Variants in DENND1B observed in about 807,000 individuals in gnomAD.
DENND1B encodes the protein DENN domain containing 1B.
In DENND1B, 59 loss-of-function variants were observed where a neutral mutation model predicts 90.1. The ratio of observed to expected loss-of-function variants is 0.65; its 90% CI spans 0.53 to 0.81. The LOEUF is 0.81. Ranked by LOEUF, DENND1B falls within the 40% of genes least tolerant of loss-of-function variation. The pLI, the probability that DENND1B is intolerant of heterozygous loss-of-function variation, is 0.00. For synonymous variants in DENND1B, 337 were observed against 324.6 expected (o/e 1.04, Z -0.41); for missense variants, 862 against 912.6 (o/e 0.94, Z 0.71).
chr1:197,643,488 G>C (rs1680460880), intron 9 of DENND1B, among the ~76,000 whole-genome samples: 2 of 152,024 alleles, frequency 1.3e-5, no homozygotes, highest in African/African-American at 4.8e-5. Flanking sequence ...TACTTCTGGT[G>C]ATTCTTATAT....
At chr1:197,776,432 C>T (rs750473385), upstream of DENND1B, among the ~76,000 whole-genome samples, 37 of 152,296 alleles carry the variant, frequency 2.4e-4, no homozygotes, top group Non-Finnish European at 3.5e-4. Flanking sequence ...TTATGATGGA[C>T]ATTCAAATGA....
chr1:197,589,413 C>T (rs1025406882), intron 14 of DENND1B, among the ~76,000 whole-genome samples: 1 of 152,102 alleles, frequency 6.6e-6, no homozygotes, highest in African/African-American at 2.4e-5. Context: ...TTGGTGGTAA[C>T]CATCTCTCAA....
At chr1:197,677,228 TCAGTAAG>T (rs1656173957) in intron 3 of DENND1B, among the ~76,000 whole-genome samples, 1 of 152,100 alleles carries the variant, frequency 6.6e-6, no homozygotes, top group Non-Finnish European at 1.5e-5. Flanking sequence ...TCTTCCCTAC[TCAGTAAG>T]ATATACCTGT....
intron 2 of DENND1B, among the ~76,000 whole-genome samples, chr1:197,727,494 C>T (rs1391695491): frequency 2.7e-5 from 4 of 149,514 alleles, no homozygotes; most frequent in Non-Finnish European, 5.9e-5. Flanking sequence ...AAGATCGCGC[C>T]ACTGCACTCC....
chr1:197,575,092 A>G (rs979099621), intron 15 of DENND1B, among the ~76,000 whole-genome samples: 7 of 152,338 alleles, frequency 4.6e-5, no homozygotes, highest in African/African-American at 1.7e-4. Context: ...GACAAATGGG[A>G]TCTAATTCAA....
chr1:197,643,022 C>T (rs1436886062), intron 9 of DENND1B, among the ~76,000 whole-genome samples: 1 of 152,140 alleles, frequency 6.6e-6, no homozygotes, highest in Non-Finnish European at 1.5e-5. Context: ...CATAACCCTA[C>T]TCAAGGTAAG....
At chr1:197,524,553 G>T (rs1410652972) in intron 20 of DENND1B, among the ~76,000 whole-genome samples, 1 of 152,104 alleles carries the variant, frequency 6.6e-6, no homozygotes, top group Admixed American at 6.6e-5. Context: ...GTGATGGTTG[G>T]ATGTAAAAAG....
intron 2 of DENND1B, among the ~76,000 whole-genome samples, chr1:197,765,221 C>T (rs1655557259): frequency 6.6e-6 from 1 of 152,090 alleles, no homozygotes; most frequent in African/African-American, 2.4e-5. Flanking sequence ...ACATTACTTT[C>T]TATAGATAAA....
chr1:197,544,949 AGAGAAGGG>A (rs1670660543), intron 18 of DENND1B, among the ~76,000 whole-genome samples: 22 of 770 alleles, frequency 0.029, no homozygotes, highest in Non-Finnish European at 0.045. Context: ...AAGGGAGAAG[AGAGAAGGG>A]AGAAGGAGAA....
At chr1:197,517,670 C>T (rs1668493359) in intron 20 of DENND1B, among the ~76,000 whole-genome samples, 1 of 151,902 alleles carries the variant, frequency 6.6e-6, no homozygotes, top group Non-Finnish European at 1.5e-5. Flanking sequence ...ATGCTATACT[C>T]CTATTTAAAG....
intron 12 of DENND1B, among the ~76,000 whole-genome samples, chr1:197,609,244 T>C (rs534462796): frequency 2.7e-5 from 4 of 150,726 alleles, no homozygotes; most frequent in African/African-American, 7.3e-5. Context: ...GGTGGTGAAG[T>C]TAGTGAAGTC....
In DENND1B at chr1:197,721,904, T is replaced by G. The variant is rs191295929; in HGVS notation, c.83-6830A>C. Reference sequence around the variant, plus strand: ...AATGTTTTGTGACACTGGAACCACATGATTTAAGGAACAATTATGGAGGAC... The same window carrying G: ...AATGTTTTGTGACACTGGAACCACAGGATTTAAGGAACAATTATGGAGGAC... On this transcript the variant is annotated intron_variant, in intron 2 of 22. Transcript: ENST00000620048. 3.5e-3 allele frequency among the ~76,000 whole-genome samples: 535 copies of G among 152,296 alleles called. 2 individuals are homozygous for G. Among genetic ancestry groups the G allele is most frequent in the South Asian group, 0.011 (54 of 4,830 alleles).
At chr1:197,653,209 G>T (rs1336955720) in intron 6 of DENND1B, among the ~76,000 whole-genome samples, 1 of 151,956 alleles carries the variant, frequency 6.6e-6, no homozygotes, top group African/African-American at 2.4e-5. Flanking sequence ...GACATAAAAA[G>T]AACAAAAACA....
chr1:197,749,335 C>T (rs1653137830), intron 2 of DENND1B, among the ~76,000 whole-genome samples: 1 of 151,720 alleles, frequency 6.6e-6, no homozygotes, highest in African/African-American at 2.4e-5. Context: ...ACAAAGAAAA[C>T]TAAACCTAGC....
intron 2 of DENND1B, among the ~76,000 whole-genome samples, chr1:197,722,111 G>T (rs959931411): frequency 7.2e-5 from 11 of 151,968 alleles, no homozygotes; most frequent in Non-Finnish European, 1.2e-4. Context: ...TTTCTTTCAT[G>T]AATTTAAGCA....
At chr1:197,682,114 T>TA (rs1412389650) in intron 3 of DENND1B, among the ~76,000 whole-genome samples, 35 of 151,906 alleles carry the variant, frequency 2.3e-4, no homozygotes, top group African/African-American at 4.8e-5. Context: ...ATAAGGCCTT[T>TA]AGTTTTCAAG....
At position 197,506,207 on chromosome 1, in the gene DENND1B, C is replaced by T. The variant is rs536891579; in HGVS notation, c.*4253G>A. On this transcript the variant is annotated 3_prime_UTR_variant, in exon 23 of 23. Coordinates refer to ENST00000620048, the MANE Select transcript of DENND1B (RefSeq NM_001195215.2). ...GCAAGAAAAATTATTGCACGAAATC[C>T]TATTTTCAAAATAAAATATTCTTCT... The T allele has an allele frequency of 6.6e-5, 10 of 151,648 alleles. 1 individual carries two copies. The highest frequency in any genetic ancestry group is 2.4e-4 in the African/African-American group (10 of 41,488). 9.4% of individuals were successfully genotyped at this position (151,648 alleles called of 1,614,324 possible).
At chr1:197,621,849 T>C (rs528347625) in intron 10 of DENND1B, among the ~76,000 whole-genome samples, 2 of 151,508 alleles carry the variant, frequency 1.3e-5, no homozygotes, top group Admixed American at 1.3e-4. Flanking sequence ...CAAATAAAGG[T>C]TTATGGAAAA....
chr1:197,647,063 G>A lies in DENND1B; in HGVS notation c.499C>T (p.Leu167=). The part of the protein sequence containing the change: ...CEQVLKDQPA[L]VPHSYFIAPD... ...ATGTCCTTTTAACTCACCGGTACTA[G>A]AGCAGGCTGATCTTTCAGAACTTGC... The change falls in exon 8 of 23, where the codon CTA becomes TTA. Residue 167 remains leucine, a synonymous_variant. Transcript: ENST00000620048. The A allele has an allele frequency of 1.4e-6, 2 of 1,466,722 alleles. No individual in the cohort carries two copies. Among genetic ancestry groups the A allele is most frequent in the South Asian group, 1.5e-5 (1 of 68,318 alleles). The allele number at this position is 1,466,722 out of a possible 1,614,324, so 90.9% of individuals were successfully genotyped here.
Sources: gnomAD v4.1 joint callset for allele counts (sites outside exome capture counted in the v4.1 genomes callset) on GRCh38, gnomAD v4.1.1 for gene constraint, MANE v1.5 for transcripts, NCBI Gene and HGNC (gene_info 2026-07-23, HGNC 2026-07-21) for gene names.